Variants in PRKG1 observed in about 807,000 individuals in gnomAD.
PRKG1 encodes protein kinase cGMP-dependent 1, also known as cGMP-dependent protein kinase 1.
A neutral mutation model predicts 88.1 loss-of-function variants in PRKG1; 35 were observed. The ratio of observed to expected loss-of-function variants is 0.40; its 90% CI spans 0.30 to 0.53. PRKG1 has a LOEUF of 0.53. Ranked by LOEUF, PRKG1 falls within the 20% of genes least tolerant of loss-of-function variation. The pLI is 0.59. For synonymous variants in PRKG1, 303 were observed against 292.5 expected (o/e 1.04, Z -0.37); for missense variants, 540 against 839.8 (o/e 0.64, Z 4.41).
At chr10:51,053,220 A>T (rs967038212) in intron 1 of PRKG1, among the ~76,000 whole-genome samples, 5 of 148,388 alleles carry the variant, frequency 3.4e-5, no homozygotes, top group Non-Finnish European at 3.0e-5. Context: ...ATAGCGCAAG[A>T]CTCTTGTCTC....
intron 2 of PRKG1, among the ~76,000 whole-genome samples, chr10:51,276,945 T>G (rs1221907607): frequency 6.6e-6 from 1 of 152,238 alleles, no homozygotes; most frequent in African/African-American, 2.4e-5. Context: ...TCTTTTGCTG[T>G]GCAGAAGCTC....
intron 2 of PRKG1, among the ~76,000 whole-genome samples, chr10:51,431,110 G>A (rs558516447): frequency 6.6e-6 from 1 of 152,184 alleles, no homozygotes; most frequent in Non-Finnish European, 1.5e-5. Flanking sequence ...TAAAAAGAGA[G>A]AGAGAGAAAG....
intron 4 of PRKG1, among the ~76,000 whole-genome samples, chr10:51,854,143 G>A (rs1187331299): frequency 6.6e-6 from 1 of 152,006 alleles, no homozygotes; most frequent in Non-Finnish European, 1.5e-5. Context: ...TGATACACGA[G>A]TCATAGTCAC....
chr10:51,160,293 T>C (rs1846326474), intron 2 of PRKG1, among the ~76,000 whole-genome samples: 1 of 152,218 alleles, frequency 6.6e-6, no homozygotes, highest in Non-Finnish European at 1.5e-5. Flanking sequence ...AATATTATGT[T>C]CCATTGTATA....
chr10:51,064,940 T>C lies in PRKG1; in HGVS notation c.266+73296T>C, dbSNP rs1045948686. Among the ~76,000 whole-genome samples, 8 of 152,224 alleles carry C rather than the reference T, an allele frequency of 5.3e-5. No homozygotes were observed. In the South Asian group the frequency reaches 1.2e-3, roughly 24 times the overall value. ...GGAAATAATATATGTATGTTAAGAA[T>C]TAAGTTAGTGAAGGAATTTTGCAGA... On this transcript the variant is annotated intron_variant, in intron 1 of 17. Coordinates refer to the PRKG1 transcript ENST00000401604.
At chr10:51,598,636 G>C (rs1589119014) in intron 3 of PRKG1, among the ~76,000 whole-genome samples, 1 of 152,152 alleles carries the variant, frequency 6.6e-6, no homozygotes, top group Non-Finnish European at 1.5e-5. Context: ...TGTTTTAACT[G>C]ATTGGGTTTT....
chr10:51,563,881 C>T (rs570091006), intron 3 of PRKG1, among the ~76,000 whole-genome samples: 2 of 152,136 alleles, frequency 1.3e-5, no homozygotes, highest in East Asian at 3.9e-4. Flanking sequence ...TCTTCCACAC[C>T]ATCTCACTAG....
At chr10:51,917,100 C>T (rs1842358261) in intron 5 of PRKG1, among the ~76,000 whole-genome samples, 1 of 151,932 alleles carries the variant, frequency 6.6e-6, no homozygotes, top group South Asian at 2.1e-4. Context: ...GGCGGATCAC[C>T]TGAAGTCAGA....
chr10:52,286,043 T>C (rs1025521003), intron 14 of PRKG1, among the ~76,000 whole-genome samples: 5 of 152,014 alleles, frequency 3.3e-5, no homozygotes, highest in African/African-American at 1.2e-4. Context: ...ATCCATGGCA[T>C]AAAGAATTGA....
At chr10:51,480,715 T>A (rs1315085930) in intron 3 of PRKG1, among the ~76,000 whole-genome samples, 1 of 152,122 alleles carries the variant, frequency 6.6e-6, no homozygotes, top group Non-Finnish European at 1.5e-5. Context: ...ATTAAGCTCA[T>A]AGAGAATATT....
At chr10:51,528,854 C>T (rs1026323782) in intron 3 of PRKG1, among the ~76,000 whole-genome samples, 1 of 152,008 alleles carries the variant, frequency 6.6e-6, no homozygotes, top group Non-Finnish European at 1.5e-5. Flanking sequence ...AGCCTTGAAA[C>T]AATAGTTCCA....
chr10:51,220,848 G>A (rs1449765843), intron 2 of PRKG1, among the ~76,000 whole-genome samples: 4 of 151,906 alleles, frequency 2.6e-5, no homozygotes, highest in African/African-American at 7.2e-5. Context: ...AGGGAATGAG[G>A]TGTACTAAAA....
chr10:51,405,435 G>T (rs1235436754), intron 2 of PRKG1, among the ~76,000 whole-genome samples: 1 of 152,130 alleles, frequency 6.6e-6, no homozygotes, highest in African/African-American at 2.4e-5. Context: ...TCAAATAAAA[G>T]AGATAGCCAC....
At chr10:51,884,969 A>T (rs1564692198) in intron 4 of PRKG1, among the ~76,000 whole-genome samples, 1 of 152,164 alleles carries the variant, frequency 6.6e-6, no homozygotes, top group African/African-American at 2.4e-5. Context: ...AGGTTTTGAG[A>T]GTCTACTGTA....
At chr10:51,417,235 A>G (rs145611977) in intron 2 of PRKG1, among the ~76,000 whole-genome samples, 70 of 152,312 alleles carry the variant, frequency 4.6e-4, no homozygotes, top group African/African-American at 1.3e-3. Context: ...GTCCCCTCAC[A>G]TGGTCCTACA....
intron 2 of PRKG1, among the ~76,000 whole-genome samples, chr10:51,173,034 A>C (rs932982316): frequency 1.3e-5 from 2 of 151,740 alleles, no homozygotes; most frequent in Non-Finnish European, 2.9e-5. Context: ...TGACACTACA[A>C]CTCCACAAAT....
chr10:51,089,114 A>G (rs1390543222), intron 1 of PRKG1, among the ~76,000 whole-genome samples: 1 of 152,186 alleles, frequency 6.6e-6, no homozygotes, highest in Non-Finnish European at 1.5e-5. Context: ...TTGGGATTAC[A>G]GTCATGAAAA....
intron 2 of PRKG1, among the ~76,000 whole-genome samples, chr10:51,212,021 C>G (rs1838235183): frequency 6.6e-6 from 1 of 152,034 alleles, no homozygotes; most frequent in Non-Finnish European, 1.5e-5. Flanking sequence ...AATCCTAAGC[C>G]AAAAGAACAA....
At chr10:51,322,304 AGCAAAT>A (rs1381908490) in intron 2 of PRKG1, among the ~76,000 whole-genome samples, 10 of 152,228 alleles carry the variant, frequency 6.6e-5, no homozygotes, top group Admixed American at 1.3e-4. Flanking sequence ...AGTCAACTTG[AGCAAAT>A]GCAATCAGTC....
Sources: gnomAD v4.1 joint callset for allele counts (sites outside exome capture counted in the v4.1 genomes callset) on GRCh38, gnomAD v4.1.1 for gene constraint, MANE v1.5 for transcripts, NCBI Gene and HGNC (gene_info 2026-07-23, HGNC 2026-07-21) for gene names.